The following WDR72 variants were observed in gnomAD, a reference collection of about 807,000 sequenced individuals.
WDR72 encodes WD repeat-containing protein 72.
WDR72 carries 120 observed loss-of-function variants against 124.2 expected under a neutral mutation model. The ratio of observed to expected loss-of-function variants is 0.97; its 90% CI spans 0.83 to 1.12. WDR72 has a LOEUF of 1.12. Among genes scored for constraint, WDR72 ranks in the 50% most tolerant of loss-of-function variants. The pLI is 0.00. For missense variants in WDR72, 1,387 were observed against 1,278.8 expected (o/e 1.08, Z -1.29); for synonymous variants, 452 against 441.7 (o/e 1.02, Z -0.29).
intron 18 of WDR72, among the ~76,000 whole-genome samples, chr15:53,553,257 A>AT (rs1218130237): frequency 6.6e-6 from 1 of 152,154 alleles, no homozygotes; most frequent in Non-Finnish European, 1.5e-5. Context: ...TCAGACAGCA[A>AT]TTTTGAATAA....
intron 14 of WDR72, among the ~76,000 whole-genome samples, chr15:53,659,058 C>G (rs2015522102): frequency 6.6e-6 from 1 of 152,154 alleles, no homozygotes. Context: ...CCTAACAATA[C>G]ACTATTCAAA....
At chr15:53,622,626 G>A (rs922914407) in intron 14 of WDR72, among the ~76,000 whole-genome samples, 1 of 152,018 alleles carries the variant, frequency 6.6e-6, no homozygotes, top group Admixed American at 6.6e-5. Flanking sequence ...GGCAGTCTGA[G>A]GAGGGAGCAG....
intron 1 of WDR72, among the ~76,000 whole-genome samples, chr15:53,734,516 T>A (rs2140618206): frequency 6.6e-6 from 1 of 152,330 alleles, no homozygotes; most frequent in East Asian, 1.9e-4. Context: ...TACCTATTTT[T>A]AAGTTGTTGC....
chr15:53,529,089 G>A (rs1394685240), intron 18 of WDR72, among the ~76,000 whole-genome samples: 1 of 145,636 alleles, frequency 6.9e-6, no homozygotes, highest in Non-Finnish European at 1.5e-5. Context: ...GCATAAAGAA[G>A]GAAACCCTGT....
chr15:53,582,353 C>T (rs764855813), intron 18 of WDR72, among the ~76,000 whole-genome samples: 2 of 151,898 alleles, frequency 1.3e-5, no homozygotes, highest in Non-Finnish European at 2.9e-5. Context: ...AGACTTCTTC[C>T]AGGGCTGTAC....
chr15:53,652,483 G>A (rs946772966), intron 14 of WDR72, among the ~76,000 whole-genome samples: 13 of 152,260 alleles, frequency 8.5e-5, no homozygotes, highest in African/African-American at 3.1e-4. Context: ...AATTGTACTA[G>A]TCTTTGCATC....
At chr15:53,602,625 A>G (rs1238574863) in intron 17 of WDR72, among the ~76,000 whole-genome samples, 1 of 152,156 alleles carries the variant, frequency 6.6e-6, no homozygotes, top group Non-Finnish European at 1.5e-5. Flanking sequence ...GAAGATTCAA[A>G]TAACACAATC....
chr15:53,548,223 C>A (rs1156240747), intron 18 of WDR72, among the ~76,000 whole-genome samples: 2 of 152,228 alleles, frequency 1.3e-5, no homozygotes, highest in Non-Finnish European at 2.9e-5. Context: ...TGTGTGGTAG[C>A]ACTGAACCAT....
At chr15:53,613,527 T>A in intron 16 of WDR72, 139 bp downstream of exon 16, 1 of 650,732 alleles carries the variant, frequency 1.5e-6, no homozygotes, top group South Asian at 1.8e-5. Context: ...ACACAGCTAG[T>A]GTAATCACAA....
At chr15:53,580,224 T>C (rs2011842286) in intron 18 of WDR72, among the ~76,000 whole-genome samples, 1 of 152,234 alleles carries the variant, frequency 6.6e-6, no homozygotes, top group South Asian at 2.1e-4. Flanking sequence ...AAATCCAGCA[T>C]AATTTAAGCC....
At chr15:53,573,953 C>G (rs1185420182) in intron 18 of WDR72, among the ~76,000 whole-genome samples, 1 of 152,156 alleles carries the variant, frequency 6.6e-6, no homozygotes, top group Non-Finnish European at 1.5e-5. Context: ...AACATATCCT[C>G]TGGAAAGTCA....
chr15:53,688,152 C>A (rs1427672830), intron 13 of WDR72, among the ~76,000 whole-genome samples: 1 of 150,644 alleles, frequency 6.6e-6, no homozygotes, highest in African/African-American at 2.5e-5. Flanking sequence ...AAAAGTGGCA[C>A]AAGACAGGGA....
chr15:53,609,099 T>A (rs1160708785), intron 17 of WDR72, among the ~76,000 whole-genome samples: 1 of 152,102 alleles, frequency 6.6e-6, no homozygotes, highest in African/African-American at 2.4e-5. Context: ...TGTATTAAAA[T>A]ATTTCATATA....
chr15:53,619,616 G>C (rs1284616476), intron 14 of WDR72, among the ~76,000 whole-genome samples: 1 of 151,920 alleles, frequency 6.6e-6, no homozygotes, highest in Non-Finnish European at 1.5e-5. Context: ...GCATCTCTTA[G>C]AGGACAATGA....
intron 14 of WDR72, among the ~76,000 whole-genome samples, chr15:53,658,380 C>T (rs930413151): frequency 7.2e-5 from 11 of 152,100 alleles, no homozygotes; most frequent in Admixed American, 2.6e-4. Context: ...ATATCTATTA[C>T]AGCCAGTCAG....
intron 18 of WDR72, among the ~76,000 whole-genome samples, chr15:53,595,454 C>T (rs2012726754): frequency 6.6e-6 from 1 of 152,106 alleles, no homozygotes; most frequent in African/African-American, 2.4e-5. Context: ...CTGGTGAAAC[C>T]TCAAATATGA....
At chr15:53,652,972 T>TGCACAGCA (rs2015293735) in intron 14 of WDR72, among the ~76,000 whole-genome samples, 1 of 152,226 alleles carries the variant, frequency 6.6e-6, no homozygotes, top group South Asian at 2.1e-4. Flanking sequence ...TGGAGGCTGC[T>TGCACAGCA]GCTGTGTTTC....
intron 19 of WDR72, among the ~76,000 whole-genome samples, chr15:53,520,030 T>A (rs985408455): frequency 6.6e-6 from 1 of 152,102 alleles, no homozygotes; most frequent in South Asian, 2.1e-4. Context: ...TCTATCAACA[T>A]CTAAATATCA....
chr15:53,551,534 G>A (rs1440887191), intron 18 of WDR72, among the ~76,000 whole-genome samples: 1 of 152,026 alleles, frequency 6.6e-6, no homozygotes, highest in East Asian at 1.9e-4. Flanking sequence ...TCTCCCTTCC[G>A]TAGATTTATT....
Sources: gnomAD v4.1 joint callset for allele counts (sites outside exome capture counted in the v4.1 genomes callset) on GRCh38, gnomAD v4.1.1 for gene constraint, MANE v1.5 for transcripts, NCBI Gene and HGNC (gene_info 2026-07-23, HGNC 2026-07-21) for gene names.